Variants in GINS3 observed in about 807,000 individuals in gnomAD.
GINS3 encodes GINS complex subunit 3, also known as DNA replication complex GINS protein PSF3.
In GINS3, 18 loss-of-function variants were observed where a neutral mutation model predicts 20.0. The observed-to-expected ratio is 0.90, with a 90% CI of 0.62 to 1.33. The LOEUF (loss-of-function observed/expected upper bound fraction) is 1.33, where lower values mean the gene tolerates loss of function less well. Among genes scored for constraint, GINS3 ranks in the 40% most tolerant of loss-of-function variants. The pLI is 0.00. For synonymous variants in GINS3, 109 were observed against 107.0 expected (o/e 1.02, Z -0.12); for missense variants, 254 against 273.6 (o/e 0.93, Z 0.51).
chr16:58,398,303 A>G (rs1222384440), intron 1 of GINS3, among the ~76,000 whole-genome samples: 1 of 152,240 alleles, frequency 6.6e-6, no homozygotes, highest in Non-Finnish European at 1.5e-5. Flanking sequence ...TATTTTCATT[A>G]TCAATGAACT....
Position 58,402,735 on chromosome 16 carries a change from G to A in GINS3, c.187-363G>A, listed in dbSNP as rs187921924. On this transcript the variant is annotated intron_variant, in intron 1 of 2. Coordinates refer to ENST00000318129, the MANE Select transcript of GINS3 (RefSeq NM_022770.4). ...GGTGCTCAGTACATAGCAGGCACTC[G>A]GCAAGTGGATATTTAGAATAAATAT... 2.3e-3 allele frequency among the ~76,000 whole-genome samples: 348 copies of A among 152,156 alleles called. 1 individual carries two copies. The highest frequency in any genetic ancestry group is 7.6e-3 in the African/African-American group (315 of 41,488).
chr16:58,392,912 G>A, intron 1 of GINS3, 125 bp downstream of exon 1: 5 of 1,058,436 alleles, frequency 4.7e-6, no homozygotes, highest in South Asian at 1.7e-5. Context: ...AGCCAGGGCC[G>A]AAGGCGCTAA....
In GINS3 at chr16:58,405,255, CCA is replaced by C. The variant is rs1189840130; in HGVS notation, c.*527_*528del. 2.6e-5 allele frequency: 4 copies of C among 153,564 alleles called. No individual in the cohort carries two copies. The highest frequency in any genetic ancestry group is 9.7e-5 in the African/African-American group (4 of 41,442). 9.5% of individuals were successfully genotyped at this position (153,564 alleles called of 1,614,324 possible). A position where few individuals can be genotyped will look rare whatever the true frequency, so the allele number is the denominator to read the frequency against. ...TGCTGCCTGCCTGCAGGGAGTTACC[CCA>C]GTTTCCAAAAACAGTCGCCCAGATA... On this transcript the variant is annotated 3_prime_UTR_variant, in exon 3 of 3. Transcript: ENST00000318129.
chr16:58,402,050 A>G lies in GINS3; in HGVS notation c.187-1048A>G, dbSNP rs1321687717. On this transcript the variant is annotated intron_variant, in intron 1 of 2. Transcript: ENST00000318129. Reference sequence around the variant, plus strand: ...GAACTTTGTCTTTCTTTTACACCTTATTTCATACATCTCTTAGGCTCTTCT... The same window carrying G: ...GAACTTTGTCTTTCTTTTACACCTTGTTTCATACATCTCTTAGGCTCTTCT... Among the ~76,000 whole-genome samples the G allele has an allele frequency of 2.0e-5, 3 of 151,854 alleles. No homozygotes were observed. The East Asian group carries it at 5.8e-4, about 29-fold the overall frequency.
Position 58,403,550 on chromosome 16 carries a change from CTCA to C in GINS3, c.420+221_420+223del, listed in dbSNP as rs549163245. On this transcript the variant is annotated intron_variant, in intron 2 of 2. Transcript: ENST00000318129. ...TTTTAATATGACTTGTCTGCCACTC[CTCA>C]TATTTGCTTGCTACAAGTTGAGGCC... 7.9e-4 allele frequency: 413 copies of C among 522,242 alleles called. 2 individuals carry two copies. The highest frequency in any genetic ancestry group is 7.4e-3 in the African/African-American group (388 of 52,268). 32.4% of individuals were successfully genotyped at this position (522,242 alleles called of 1,614,324 possible).
At chr16:58,403,046 A>G (rs919772750) in intron 1 of GINS3, 52 bp from the exon 2 acceptor site, 5 of 1,441,608 alleles carry the variant, frequency 3.5e-6, no homozygotes, top group Admixed American at 1.7e-5. Context: ...CGTCACACAC[A>G]TTTGCTGTGT....
chr16:58,401,300 AG>A (rs1270061592), intron 1 of GINS3, among the ~76,000 whole-genome samples: 1 of 151,954 alleles, frequency 6.6e-6, no homozygotes, highest in African/African-American at 2.4e-5. Context: ...AGACCTTTGC[AG>A]TGAGTGTTAC....
At chr16:58,396,695 C>T (rs1193790147) in intron 1 of GINS3, among the ~76,000 whole-genome samples, 2 of 112,104 alleles carry the variant, frequency 1.8e-5, no homozygotes, top group Non-Finnish European at 1.9e-5. Flanking sequence ...CCGGACGGGG[C>T]GGCTGGCCGG....
At chr16:58,399,348 G>C (rs1965925141) in intron 1 of GINS3, among the ~76,000 whole-genome samples, 1 of 151,508 alleles carries the variant, frequency 6.6e-6, no homozygotes, top group Non-Finnish European at 1.5e-5. Context: ...GGATTAGCCT[G>C]TTTATCCTTT....
chr16:58,403,271 C>G lies in GINS3; in HGVS notation c.360C>G (p.Gly120=), dbSNP rs963761695. The G allele has an allele frequency of 2.0e-5, 33 of 1,614,158 alleles. No homozygotes were observed. The highest frequency in any genetic ancestry group is 2.7e-5 in the Non-Finnish European group (32 of 1,180,044). The change falls in exon 2 of 3, where the codon GGC becomes GGG. Residue 120 remains glycine, a synonymous_variant. Transcript: ENST00000318129. ...TGGGGCCCCATTTCTACGGGTTTGG[C>G]TCCCAGCTCCTGCATTTTGACAGTC... ...HKMGPHFYGF[G]SQLLHFDSPE...
chr16:58,395,074 T>C, intron 1 of GINS3: 2 of 546,616 alleles, frequency 3.7e-6, no homozygotes, highest in South Asian at 2.3e-5. Flanking sequence ...CCATTTTATC[T>C]AATTTTTTTT....
At position 58,405,418 on chromosome 16, in the gene GINS3, A is replaced by G. The variant is rs993185476; in HGVS notation, c.*689A>G. The G allele has an allele frequency of 2.6e-5, 4 of 152,402 alleles. No homozygotes were observed. The South Asian group carries it at 8.3e-4, about 32-fold the overall frequency. 9.4% of individuals were successfully genotyped at this position (152,402 alleles called of 1,614,324 possible). A position where few individuals can be genotyped will look rare whatever the true frequency, so the allele number is the denominator to read the frequency against. On this transcript the variant is annotated 3_prime_UTR_variant, in exon 3 of 3. Transcript: ENST00000318129. ...AGTCAACCCAGAAGGGAAATGGTTA[A>G]ACTGAGCTTGTTATTGCCTCGGAGA...
chr16:58,393,457 G>A (rs1172303471), intron 1 of GINS3: 1 of 152,148 alleles, frequency 6.6e-6, no homozygotes, highest in East Asian at 1.9e-4. Context: ...TGGATATCCT[G>A]TTTCACCTAA....
At position 58,395,338 on chromosome 16, in the gene GINS3, T is replaced by TA. The variant is rs370823518; in HGVS notation, c.186+2551_186+2552insA. 5.9e-3 allele frequency: 900 copies of TA among 152,940 alleles called. 4 individuals carry two copies. The highest frequency in any genetic ancestry group is 0.018 in the African/African-American group (421 of 23,464). 9.5% of individuals were successfully genotyped at this position (152,940 alleles called of 1,614,324 possible). On this transcript the variant is annotated intron_variant, in intron 1 of 2. Coordinates refer to ENST00000318129, the MANE Select transcript of GINS3 (RefSeq NM_022770.4). ...TAATATTTGTATATATATATATATA[T>TA]TTTTTTTTTAATTGATCATTCTTGG...
At chr16:58,400,520 C>G (rs1026357849) in intron 1 of GINS3, among the ~76,000 whole-genome samples, 1 of 152,196 alleles carries the variant, frequency 6.6e-6, no homozygotes, top group Non-Finnish European at 1.5e-5. Context: ...AGTTCAGGCA[C>G]ACTCTCATCA....
intron 1 of GINS3, among the ~76,000 whole-genome samples, chr16:58,402,609 T>A (rs1185522014): frequency 1.3e-5 from 2 of 152,104 alleles, no homozygotes; most frequent in Non-Finnish European, 2.9e-5. Flanking sequence ...ACTAGAGACA[T>A]GTGTGCTGTC....
chr16:58,404,453 G>A (rs753963394), intron 2 of GINS3, 46 bp from the exon 3 acceptor site: 2 of 1,203,052 alleles, frequency 1.7e-6, no homozygotes, highest in South Asian at 2.5e-5. Context: ...ATGACTTTGT[G>A]GGGTGTGAGG....
rs1442385262 is a variant in GINS3, at chr16:58,406,031, T to C, written c.*1302T>C. On this transcript the variant is annotated 3_prime_UTR_variant, in exon 3 of 3. Coordinates refer to ENST00000318129, the MANE Select transcript of GINS3 (RefSeq NM_022770.4). ...AGTGCTAAATAAATGATTGGCTTTG[T>C]ACATGAATATGTTCTGTACAAGTGC... 6.6e-6 allele frequency: 1 copy of C among 152,248 alleles called. No homozygotes were observed. The highest frequency in any genetic ancestry group is 2.4e-5 in the African/African-American group (1 of 41,462). The allele number at this position is 152,248 out of a possible 1,614,324, so 9.4% of individuals were successfully genotyped here.
chr16:58,401,038 C>A (rs955970497), intron 1 of GINS3, among the ~76,000 whole-genome samples: 4 of 152,068 alleles, frequency 2.6e-5, no homozygotes, highest in African/African-American at 9.6e-5. Flanking sequence ...CCGTCTCGAA[C>A]CCCTGAGCCC....
Sources: gnomAD v4.1 joint callset for allele counts (sites outside exome capture counted in the v4.1 genomes callset) on GRCh38, gnomAD v4.1.1 for gene constraint, MANE v1.5 for transcripts, NCBI Gene and HGNC (gene_info 2026-07-23, HGNC 2026-07-21) for gene names.